Variants in EEF1D observed in about 807,000 individuals in gnomAD.
EEF1D encodes elongation factor 1-delta.
EEF1D carries 47 observed loss-of-function variants against 63.9 expected under a neutral mutation model. The observed-to-expected ratio is 0.74, with a 90% CI of 0.58 to 0.94. The LOEUF is 0.94. EEF1D is among the 40% of genes least tolerant of loss of function. The pLI, the probability that EEF1D is intolerant of heterozygous loss-of-function variation, is 0.00. For missense variants in EEF1D, 907 were observed against 899.0 expected, an observed-to-expected ratio of 1.01 and a Z score of -0.11; for synonymous variants, 412 against 386.1, an observed-to-expected ratio of 1.07 and a Z score of -0.79.
Position 143,589,484 on chromosome 8 carries a change from C to A in EEF1D, c.598G>T (p.Gly200Cys). 6.5e-7 allele frequency: 1 copy of A among 1,529,422 alleles called. No individual in the cohort carries two copies. The highest frequency in any genetic ancestry group is 8.8e-7 in the Non-Finnish European group (1 of 1,134,874). The allele number at this position is 1,529,422 out of a possible 1,614,324, so 94.7% of individuals were successfully genotyped here. ...GSRRQGTPNT[G>C]QQVAVPDLAH... The stretch of plus-strand genomic sequence containing the variant: ...AGGTCGGGGACGGCCACCTGCTGGC[C>A]TGTGTTGGGAGTCCCCTGCCTGCGG... Residue 200 changes from glycine to cysteine, a missense_variant, in exon 3 of 10, where the codon GGC (glycine) becomes TGC (cysteine). Coordinates refer to ENST00000618139, the MANE Select transcript of EEF1D (RefSeq NM_001130053.5).
rs201983418 is a variant in EEF1D at position 143,586,235 on chromosome 8, T to C, written c.1271A>G (p.Gln424Arg). The C allele has an allele frequency of 2.1e-4, 331 of 1,609,974 alleles. No individual in the cohort carries two copies. Among genetic ancestry groups the C allele is most frequent in the Non-Finnish European group, 2.8e-4 (326 of 1,178,978 alleles). ...GGTACTCACTCCAGCCAGGGATTTCTGGATGTTCTCTCTGGCTCTCGCAAT... is the reference window on the plus strand; with the variant it reads ...GGTACTCACTCCAGCCAGGGATTTCCGGATGTTCTCTCTGGCTCTCGCAAT... ...RDIARARENIQKSLAGSSGPG... is the reference protein window; with the variant it reads ...RDIARARENIRKSLAGSSGPG... The change falls in exon 5 of 10, where the codon CAG becomes CGG. Residue 424 changes from glutamine (Q) to arginine (R), a missense_variant. By Grantham distance (43) the Gln-to-Arg change is conservative. Coordinates refer to ENST00000618139, the MANE Select transcript of EEF1D (RefSeq NM_001130053.5).
At chr8:143,579,939 TG>T in intron 9 of EEF1D, 72 bp downstream of exon 9, 1 of 1,563,154 alleles carries the variant, frequency 6.4e-7, no homozygotes, top group Non-Finnish European at 8.7e-7. Context: ...CCCACTGCCG[TG>T]GGGTGGAGTG....
At chr8:143,580,988 G>A in intron 7 of EEF1D, 66 bp downstream of exon 7, 17 of 1,542,342 alleles carry the variant, frequency 1.1e-5, no homozygotes, top group Non-Finnish European at 1.5e-5. Context: ...CCAGCCCACA[G>A]GGCGACGTGG....
chr8:143,590,527 G>C lies in EEF1D; in HGVS notation c.1-446C>G, dbSNP rs577027234. ...CCTGGCCACCCCACCATGGTGGCTG[G>C]TGTTCCCATTCTACAGAACGGTCTC... On this transcript the variant is annotated intron_variant, in intron 2 of 9. Transcript: ENST00000618139. 486 of 1,191,672 alleles carry C rather than the reference G, an allele frequency of 4.1e-4. 5 individuals carry two copies. In the South Asian group the frequency reaches 0.012, roughly 30 times the overall value. 73.8% of individuals were successfully genotyped at this position (1,191,672 alleles called of 1,614,324 possible). A position where few individuals can be genotyped will look rare whatever the true frequency, so the allele number is the denominator to read the frequency against.
intron 5 of EEF1D, 36 bp downstream of exon 5, chr8:143,586,183 C>A (rs377645336): frequency 1.3e-6 from 2 of 1,580,130 alleles, no homozygotes; most frequent in Admixed American, 1.9e-5. Context: ...CTTGGCCGAG[C>A]AGGAGCCCGC....
intron 3 of EEF1D, among the ~76,000 whole-genome samples, chr8:143,588,045 C>T (rs1451240684): frequency 2.0e-5 from 3 of 152,222 alleles, no homozygotes; most frequent in Non-Finnish European, 2.9e-5. Flanking sequence ...GCGTCCTCTG[C>T]GTCCCTGACC....
rs1829041693 is a variant in EEF1D, at chr8:143,597,413, G to A, written c.-80C>T. 6.6e-6 allele frequency: 1 copy of A among 152,036 alleles called. No homozygotes were observed. Among genetic ancestry groups the A allele is most frequent in the Non-Finnish European group, 1.5e-5 (1 of 67,998 alleles). 9.4% of individuals were successfully genotyped at this position (152,036 alleles called of 1,614,324 possible). A position where few individuals can be genotyped will look rare whatever the true frequency, so the allele number is the denominator to read the frequency against. ...CGGACGCGGGAAGACTGATGAAAGG[G>A]AGGGCCGCCCGGGCCGCGCACGGGA... On this transcript the variant is annotated 5_prime_UTR_variant, in exon 1 of 10. Coordinates refer to ENST00000618139, the MANE Select transcript of EEF1D (RefSeq NM_001130053.5).
intron 1 of EEF1D, among the ~76,000 whole-genome samples, chr8:143,593,151 A>AG (rs1828254624): frequency 1.3e-5 from 2 of 151,938 alleles, no homozygotes; most frequent in African/African-American, 4.8e-5. Flanking sequence ...AGGACCCTCA[A>AG]GGGGGAGGCA....
chr8:143,585,908 G>A, intron 5 of EEF1D: 1 of 390,570 alleles, frequency 2.6e-6, no homozygotes, highest in Non-Finnish European at 4.6e-6. Flanking sequence ...GGGAGGCACA[G>A]GCTCTCATGC....
chr8:143,587,133 G>A (rs896951085), intron 3 of EEF1D: 6 of 265,990 alleles, frequency 2.3e-5, no homozygotes, highest in African/African-American at 4.4e-5. Context: ...GCTGAAGTGC[G>A]GAGGCAGGTA....
At chr8:143,592,010 C>T in intron 2 of EEF1D, 1 of 983,552 alleles carries the variant, frequency 1.0e-6, no homozygotes, top group Non-Finnish European at 1.2e-6. Flanking sequence ...AACCGGGGCC[C>T]ATGGGAGGCC....
intron 1 of EEF1D, chr8:143,594,358 C>CA (rs1441333268): frequency 6.6e-6 from 1 of 152,332 alleles, no homozygotes; most frequent in East Asian, 1.9e-4. Context: ...ACTGCAGCGG[C>CA]ATGGCCCTCA....
In EEF1D at chr8:143,586,825, T is replaced by G. The variant is rs1273480349; in HGVS notation, c.1119A>C (p.Ala373=). The part of the protein sequence containing the change: ...PNRKMATNFL[A]HEKIWFDKFK... ...ACTTGTCGAACCAGATCTTCTCATG[T>G]GCTAGGAAGTTTGTAGCCATTTTTC... The change falls in exon 4 of 10, where the codon GCA becomes GCC. Residue 373 remains alanine, a synonymous_variant. Coordinates refer to ENST00000618139, the MANE Select transcript of EEF1D (RefSeq NM_001130053.5). The G allele has an allele frequency of 6.2e-7, 1 of 1,614,044 alleles. No individual in the cohort carries two copies. Among genetic ancestry groups the G allele is most frequent in the South Asian group, 1.1e-5 (1 of 91,096 alleles).
At chr8:143,580,293 T>C in intron 8 of EEF1D, 87 bp from the exon 9 acceptor site, 2 of 1,394,362 alleles carry the variant, frequency 1.4e-6, no homozygotes, top group Non-Finnish European at 2.0e-6. Context: ...TCAACCACTG[T>C]GTGTCCACAA....
intron 2 of EEF1D, chr8:143,590,680 G>A (rs889501594): frequency 4.8e-5 from 29 of 605,432 alleles, no homozygotes; most frequent in African/African-American, 4.4e-4. Flanking sequence ...CGAGGCGGGC[G>A]GATCACAGGG....
chr8:143,588,849 A>C, intron 3 of EEF1D, 142 bp downstream of exon 3: 1 of 1,146,056 alleles, frequency 8.7e-7, no homozygotes, highest in Non-Finnish European at 1.2e-6. Flanking sequence ...CTGCTCCTGC[A>C]TTCAACTCTG....
chr8:143,579,993 C>A lies in EEF1D; in HGVS notation c.1905+19G>T, dbSNP rs747324223. The A allele has an allele frequency of 1.9e-6, 3 of 1,609,560 alleles. No individual in the cohort carries two copies. Among genetic ancestry groups the A allele is most frequent in the Non-Finnish European group, 1.7e-6 (2 of 1,176,844 alleles). ...TCCCCAGTCTCCTCTCCCCTCCTCT[C>A]CCCGGCCGGCTCACTCACGTGCTCC... On this transcript the variant is annotated intron_variant, in intron 9 of 9. Transcript: ENST00000618139.
chr8:143,589,522 G>A lies in EEF1D; in HGVS notation c.560C>T (p.Ala187Val), dbSNP rs770060846. 1.5e-5 allele frequency: 22 copies of A among 1,512,056 alleles called. No individual in the cohort carries two copies. The highest frequency in any genetic ancestry group is 9.2e-5 in the South Asian group (7 of 75,930). 93.7% of individuals were successfully genotyped at this position (1,512,056 alleles called of 1,614,324 possible). A position where few individuals can be genotyped will look rare whatever the true frequency, so the allele number is the denominator to read the frequency against. The change falls in exon 3 of 10, where the codon GCC (alanine) becomes GTC (valine). Residue 187 changes from alanine (A) to valine (V), a missense_variant. Ala to Val is a moderately conservative substitution (Grantham distance 64). Transcript: ENST00000618139. ...CCCCTGCCTGCGGCTGCCGTCGGGGGCCAGCAACAGGGCCTGAGACCACTC... is the reference window on the plus strand; with the variant it reads ...CCCCTGCCTGCGGCTGCCGTCGGGGACCAGCAACAGGGCCTGAGACCACTC... ...FVEWSQALLL[A>V]PDGSRRQGTP...
chr8:143,586,693 G>A, intron 4 of EEF1D, 36 bp downstream of exon 4: 1 of 1,604,696 alleles, frequency 6.2e-7, no homozygotes, highest in East Asian at 2.2e-5. Flanking sequence ...CTGTCGGGCA[G>A]CAGAGCCGCC....
Sources: gnomAD v4.1 joint callset for allele counts (sites outside exome capture counted in the v4.1 genomes callset) on GRCh38, gnomAD v4.1.1 for gene constraint, MANE v1.5 for transcripts, NCBI Gene and HGNC (gene_info 2026-07-23, HGNC 2026-07-21) for gene names.